The following HDAC4 variants were observed in gnomAD, a reference collection of about 807,000 sequenced individuals.
HDAC4 encodes the protein histone deacetylase 4.
HDAC4 carries 16 observed loss-of-function variants against 135.1 expected under a neutral mutation model. The observed-to-expected ratio is 0.12, with a 90% confidence interval of 0.08 to 0.18. HDAC4 has a LOEUF of 0.18. Ranked by LOEUF, HDAC4 falls within the 10% of genes least tolerant of loss-of-function variation. The pLI, the probability that HDAC4 is intolerant of heterozygous loss-of-function variation, is 1.00. For synonymous variants in HDAC4, 685 were observed against 653.4 expected (o/e 1.05, Z -0.74); for missense variants, 1,143 against 1,511.8 (o/e 0.76, Z 4.05).
intron 1 of HDAC4, among the ~76,000 whole-genome samples, chr2:239,361,843 TTC>T (rs1345079886): frequency 2.0e-5 from 3 of 152,170 alleles, no homozygotes; most frequent in Admixed American, 1.3e-4. Context: ...CATGATCTAG[TTC>T]TTTTTATCTT....
At chr2:239,161,861 G>A (rs1366447668) in intron 6 of HDAC4, 5 of 375,814 alleles carry the variant, frequency 1.3e-5, no homozygotes, top group African/African-American at 2.1e-5. Flanking sequence ...CTCTCAGCAC[G>A]TCCCTCAGCG....
rs1285001775 is a variant in HDAC4 at position 239,089,997 on chromosome 2, G to GT, written c.2388+11_2388+12insA. 2 of 1,596,560 alleles carry GT rather than the reference G, an allele frequency of 1.3e-6. No individual in the cohort carries two copies. Among genetic ancestry groups the GT allele is most frequent in the Non-Finnish European group, 1.7e-6 (2 of 1,164,332 alleles). ...CTCCTGGAGGGCCACCACTGTCCAGGCCCCGACTGACCTTCAGCTCCCCTG... is the reference window on the plus strand; with the variant it reads ...CTCCTGGAGGGCCACCACTGTCCAGGTCCCCGACTGACCTTCAGCTCCCCTG... On this transcript the variant is annotated intron_variant, in intron 18 of 26. Coordinates refer to ENST00000543185, the MANE Select transcript of HDAC4 (RefSeq NM_001378414.1).
At chr2:239,289,610 A>G (rs1436449983) in intron 2 of HDAC4, among the ~76,000 whole-genome samples, 1 of 151,594 alleles carries the variant, frequency 6.6e-6, no homozygotes, top group African/African-American at 2.4e-5. Flanking sequence ...CAGGCTGGGG[A>G]GAGAGCACAC....
At chr2:239,293,723 C>T (rs1232210601) in intron 2 of HDAC4, among the ~76,000 whole-genome samples, 6 of 152,202 alleles carry the variant, frequency 3.9e-5, no homozygotes, top group Non-Finnish European at 5.9e-5. Flanking sequence ...TGCCTGGCCA[C>T]GTGGTTTTCC....
chr2:239,380,786 T>C (rs563917317), intron 1 of HDAC4, among the ~76,000 whole-genome samples: 84 of 152,296 alleles, frequency 5.5e-4, no homozygotes, highest in African/African-American at 2.0e-3. Flanking sequence ...TTCACATGGA[T>C]TCTTTCCCGC....
intron 2 of HDAC4, among the ~76,000 whole-genome samples, chr2:239,263,326 C>A (rs2049500310): frequency 7.0e-6 from 1 of 142,816 alleles, no homozygotes; most frequent in Non-Finnish European, 1.5e-5. Flanking sequence ...AGGACCCCCG[C>A]CCATCCCAGC....
At chr2:239,250,290 G>A (rs564526207) in intron 2 of HDAC4, among the ~76,000 whole-genome samples, 1 of 152,370 alleles carries the variant, frequency 6.6e-6, no homozygotes, top group African/African-American at 2.4e-5. Context: ...GAGAGGAGAG[G>A]TCCAGGTGAT....
intron 11 of HDAC4, among the ~76,000 whole-genome samples, chr2:239,129,970 C>T (rs1358409746): frequency 4.6e-5 from 7 of 152,174 alleles, no homozygotes; most frequent in African/African-American, 7.2e-5. Flanking sequence ...TTTTGAAGAG[C>T]GGGTCTGCAC....
At chr2:239,114,265 C>T (rs1020125259) in intron 13 of HDAC4, among the ~76,000 whole-genome samples, 13 of 152,108 alleles carry the variant, frequency 8.5e-5, no homozygotes, top group African/African-American at 3.1e-4. Flanking sequence ...GCATGGAGTC[C>T]AGAGAGAAGG....
chr2:239,107,836 G>T (rs997074371), intron 15 of HDAC4, among the ~76,000 whole-genome samples: 1 of 152,224 alleles, frequency 6.6e-6, no homozygotes, highest in Non-Finnish European at 1.5e-5. Flanking sequence ...TTCCTGCAGG[G>T]AGGGTACGGG....
At position 239,163,959 on chromosome 2, in the gene HDAC4, T is replaced by A. The variant is rs768175739; in HGVS notation, c.491-36A>T. On this transcript the variant is annotated intron_variant, in intron 5 of 26. Coordinates refer to ENST00000543185, the MANE Select transcript of HDAC4 (RefSeq NM_001378414.1). ...AGAAAGCATAGCAGGGGGTGAAGTG[T>A]GGCTCTGCCCTACAGCAGCAATGCA... 47 of 1,613,482 alleles carry A rather than the reference T, an allele frequency of 2.9e-5. No individual in the cohort carries two copies. The South Asian group carries it at 3.5e-4, about 12-fold the overall frequency.
At position 239,381,748 on chromosome 2, in the gene HDAC4, G is replaced by A. The variant is rs557388514; in HGVS notation, c.-220+19230C>T. ...TCCCATGTGCTGTAGAATGTTCAGTGGCAACCCTGGCTTCAAACTACTACA... is the reference window on the plus strand; with the variant it reads ...TCCCATGTGCTGTAGAATGTTCAGTAGCAACCCTGGCTTCAAACTACTACA... On this transcript the variant is annotated intron_variant, in intron 1 of 26. Transcript: ENST00000543185. 4.6e-5 allele frequency among the ~76,000 whole-genome samples: 7 copies of A among 152,294 alleles called. No homozygotes were observed. In the East Asian group the frequency reaches 1.4e-3, roughly 29 times the overall value.
chr2:239,106,554 C>G (rs2038150967), intron 15 of HDAC4, among the ~76,000 whole-genome samples: 1 of 152,162 alleles, frequency 6.6e-6, no homozygotes, highest in African/African-American at 2.4e-5. Context: ...GTGCCAAGAG[C>G]CTCTACAGTG....
intron 1 of HDAC4, among the ~76,000 whole-genome samples, chr2:239,388,551 G>A (rs1429007565): frequency 1.3e-5 from 2 of 152,202 alleles, no homozygotes; most frequent in African/African-American, 2.4e-5. Context: ...GGTGACCTGG[G>A]TGCCTGGCCC....
chr2:239,111,104 G>A (rs887592212), intron 14 of HDAC4, among the ~76,000 whole-genome samples: 3 of 152,190 alleles, frequency 2.0e-5, no homozygotes, highest in Admixed American at 6.5e-5. Flanking sequence ...CCCCCCGCCA[G>A]CCATTCACAG....
intron 11 of HDAC4, among the ~76,000 whole-genome samples, chr2:239,131,464 C>T (rs1321401055): frequency 1.3e-5 from 2 of 152,194 alleles, no homozygotes; most frequent in African/African-American, 2.4e-5. Flanking sequence ...AACATGGAAA[C>T]GAAGATGCAG....
intron 2 of HDAC4, among the ~76,000 whole-genome samples, chr2:239,279,051 C>T (rs931730937): frequency 6.6e-6 from 1 of 152,246 alleles, no homozygotes; most frequent in African/African-American, 2.4e-5. Flanking sequence ...TGGTGTGGGG[C>T]CACACCCTGC....
chr2:239,134,150 A>G (rs1259976885), intron 11 of HDAC4, 95 bp downstream of exon 11: 5 of 967,188 alleles, frequency 5.2e-6, no homozygotes, highest in Non-Finnish European at 8.1e-6. Context: ...ACAGGCGTGC[A>G]TTCCTGTCTC....
At position 239,262,157 on chromosome 2, in the gene HDAC4, G is replaced by A. The variant is rs2049412125; in HGVS notation, c.23-25493C>T. 6.6e-6 allele frequency among the ~76,000 whole-genome samples: 1 copy of A among 152,186 alleles called. No individual in the cohort carries two copies. On this transcript the variant is annotated intron_variant, in intron 2 of 26. Transcript: ENST00000543185. This position sits in a 1 kb window ranked among gnomAD's most constrained non-coding sequence, Gnocchi z 4.1. ...CGCTCACCCCAAGGCCCAAGAAGGA[G>A]CCACGGTCCACTGAGACCCACGACA...
Sources: gnomAD v4.1 joint callset for allele counts (sites outside exome capture counted in the v4.1 genomes callset) on GRCh38, gnomAD v4.1.1 for gene constraint, Gnocchi (gnomAD v3.1) non-coding constraint, MANE v1.5 for transcripts, NCBI Gene and HGNC (gene_info 2026-07-23, HGNC 2026-07-21) for gene names.